Variants in ARHGAP18 observed in about 807,000 individuals in gnomAD.
The protein encoded by ARHGAP18 is rho GTPase-activating protein 18.
A neutral mutation model predicts 86.2 loss-of-function variants in ARHGAP18; 67 were observed. The ratio of observed to expected loss-of-function variants is 0.78; its 90% CI spans 0.64 to 0.95. The LOEUF (loss-of-function observed/expected upper bound fraction) is 0.95, where lower values mean the gene tolerates loss of function less well. ARHGAP18 is among the 40% of genes least tolerant of loss of function. The pLI, the probability that ARHGAP18 is intolerant of heterozygous loss-of-function variation, is 0.00. For missense variants in ARHGAP18, 691 were observed against 780.4 expected, an observed-to-expected ratio of 0.89 and a Z score of 1.37; for synonymous variants, 283 against 280.4, an observed-to-expected ratio of 1.01 and a Z score of -0.09.
At chr6:129,594,939 CCTT>C (rs1451372125) in intron 12 of ARHGAP18, among the ~76,000 whole-genome samples, 1 of 152,140 alleles carries the variant, frequency 6.6e-6, no homozygotes, top group East Asian at 1.9e-4. Context: ...TTCTTAGAGT[CCTT>C]CTGTGATCTA....
intron 3 of ARHGAP18, among the ~76,000 whole-genome samples, chr6:129,637,925 C>A (rs970047747): frequency 6.6e-6 from 1 of 152,194 alleles, no homozygotes; most frequent in Non-Finnish European, 1.5e-5. Flanking sequence ...CTTCATGTCT[C>A]AAAGTTCCTG....
intron 7 of ARHGAP18, among the ~76,000 whole-genome samples, chr6:129,613,224 C>A (rs1374387215): frequency 1.5e-5 from 2 of 134,036 alleles, no homozygotes; most frequent in Non-Finnish European, 3.1e-5. Context: ...CAGAGCGAGA[C>A]TCTGTCTCAA....
intron 11 of ARHGAP18, 76 bp downstream of exon 11, chr6:129,600,565 TA>T: frequency 8.1e-7 from 1 of 1,239,992 alleles, no homozygotes; most frequent in Non-Finnish European, 1.1e-6. Context: ...ATTTTAAATG[TA>T]AATTAATAAA....
chr6:129,580,907 TTC>T (rs1788273701), intron 13 of ARHGAP18, among the ~76,000 whole-genome samples: 1 of 152,108 alleles, frequency 6.6e-6, no homozygotes, highest in Non-Finnish European at 1.5e-5. Context: ...AGCCATTCTC[TTC>T]TGTCAGTTGT....
Position 129,630,662 on chromosome 6 carries a change from A to G in ARHGAP18, c.617-1140T>C, listed in dbSNP as rs192926316. ...TGTTTTAATCAAAATCAAGTTTAGA[A>G]GTAAATATGAATCTAGTCTTATTCA... On this transcript the variant is annotated intron_variant, in intron 4 of 14. Coordinates refer to ENST00000368149, the MANE Select transcript of ARHGAP18 (RefSeq NM_033515.3). 5.4e-3 allele frequency among the ~76,000 whole-genome samples: 826 copies of G among 152,354 alleles called. 3 individuals are homozygous for G. The highest frequency in any genetic ancestry group is 8.3e-3 in the Non-Finnish European group (563 of 68,020).
intron 9 of ARHGAP18, among the ~76,000 whole-genome samples, chr6:129,607,577 T>A (rs1451999102): frequency 1.3e-5 from 2 of 151,718 alleles, no homozygotes; most frequent in African/African-American, 4.8e-5. Flanking sequence ...GTATCAGAGA[T>A]CTTATGTGAC....
intron 1 of ARHGAP18, among the ~76,000 whole-genome samples, chr6:129,669,019 A>G (rs1584103544): frequency 6.6e-6 from 1 of 152,196 alleles, no homozygotes; most frequent in Non-Finnish European, 1.5e-5. Flanking sequence ...ATATTCACAT[A>G]AAGGGCCAAA....
chr6:129,625,006 T>A (rs981733132), intron 5 of ARHGAP18, among the ~76,000 whole-genome samples: 5 of 54,562 alleles, frequency 9.2e-5, no homozygotes, highest in Non-Finnish European at 7.6e-5. Context: ...TGATATATAT[T>A]TATATAATAT....
At chr6:129,685,111 C>A (rs1774402999) in intron 1 of ARHGAP18, among the ~76,000 whole-genome samples, 1 of 152,136 alleles carries the variant, frequency 6.6e-6, no homozygotes. Context: ...GCAGCTCCAC[C>A]ACATTCCTAG....
chr6:129,584,877 A>T lies in ARHGAP18; in HGVS notation c.1714-765T>A, dbSNP rs183403998. On this transcript the variant is annotated intron_variant, in intron 12 of 14. Transcript: ENST00000368149. The stretch of plus-strand genomic sequence containing the variant: ...AATCATGTTCAAAAGATAATGCTTT[A>T]AATAATACAAATACCCTGTTCAATT... Among the ~76,000 whole-genome samples the T allele has an allele frequency of 3.3e-4, 51 of 152,346 alleles. No individual in the cohort carries two copies. In the East Asian group the frequency reaches 8.7e-3, roughly 26 times the overall value.
At chr6:129,704,888 C>T (rs529475536) in intron 1 of ARHGAP18, among the ~76,000 whole-genome samples, 3 of 152,348 alleles carry the variant, frequency 2.0e-5, no homozygotes, top group East Asian at 3.9e-4. Flanking sequence ...ACCTTGCTTT[C>T]TTCTTCCTCC....
intron 7 of ARHGAP18, 68 bp from the exon 8 acceptor site, chr6:129,611,678 T>G: frequency 7.6e-7 from 1 of 1,323,460 alleles, no homozygotes. Context: ...ATTTAACATC[T>G]GTTTCACATA....
At chr6:129,595,159 T>C (rs1392558173) in intron 12 of ARHGAP18, among the ~76,000 whole-genome samples, 2 of 152,186 alleles carry the variant, frequency 1.3e-5, no homozygotes, top group Non-Finnish European at 2.9e-5. Flanking sequence ...TTGTAAAATG[T>C]TTAGCATTGT....
chr6:129,683,380 C>A (rs1306428630), intron 1 of ARHGAP18, among the ~76,000 whole-genome samples: 1 of 152,076 alleles, frequency 6.6e-6, no homozygotes, highest in Non-Finnish European at 1.5e-5. Flanking sequence ...CTTGTTTTTT[C>A]TTTTAATTTG....
At chr6:129,642,772 G>A (rs1353089839) in intron 1 of ARHGAP18, among the ~76,000 whole-genome samples, 1 of 152,014 alleles carries the variant, frequency 6.6e-6, no homozygotes, top group East Asian at 1.9e-4. Context: ...AGCACTATTT[G>A]AATTTCCATT....
At chr6:129,626,049 CA>C (rs1789459223) in intron 5 of ARHGAP18, among the ~76,000 whole-genome samples, 1 of 92,332 alleles carries the variant, frequency 1.1e-5, no homozygotes, top group Non-Finnish European at 2.0e-5. Context: ...TACACACACA[CA>C]TATATATACA....
intron 3 of ARHGAP18, among the ~76,000 whole-genome samples, chr6:129,637,647 G>A (rs2114495727): frequency 6.6e-6 from 1 of 152,240 alleles, no homozygotes; most frequent in South Asian, 2.1e-4. Context: ...CCAATCAAAG[G>A]TGGCCAACTG....
At chr6:129,702,721 C>T (rs1774736256) in intron 1 of ARHGAP18, among the ~76,000 whole-genome samples, 3 of 152,188 alleles carry the variant, frequency 2.0e-5, no homozygotes, top group Admixed American at 2.0e-4. Flanking sequence ...GCAGGAGGGC[C>T]AGGCACAGTG....
At chr6:129,596,148 C>G (rs906057742) in intron 12 of ARHGAP18, among the ~76,000 whole-genome samples, 2 of 152,076 alleles carry the variant, frequency 1.3e-5, no homozygotes, top group Admixed American at 1.3e-4. Flanking sequence ...TGCTTCAAAC[C>G]CCCATTTCAC....
Sources: gnomAD v4.1 joint callset for allele counts (sites outside exome capture counted in the v4.1 genomes callset) on GRCh38, gnomAD v4.1.1 for gene constraint, MANE v1.5 for transcripts, NCBI Gene and HGNC (gene_info 2026-07-23, HGNC 2026-07-21) for gene names.